LRRTM4: variants seen among roughly 807,000 people sequenced by gnomAD.
LRRTM4 encodes leucine-rich repeat transmembrane neuronal protein 4.
Under a neutral mutation model 47.6 loss-of-function variants are expected in LRRTM4, and 25 were observed. The observed-to-expected ratio is 0.53, with a 90% CI of 0.38 to 0.73. The LOEUF is 0.73. Ranked by LOEUF, LRRTM4 falls within the 30% of genes least tolerant of loss-of-function variation. The probability of loss-of-function intolerance (pLI) is 0.00; values close to 1 mark genes in which losing one functional copy is unlikely to be tolerated. For synonymous variants in LRRTM4, 311 were observed against 269.5 expected, an observed-to-expected ratio of 1.15 and a Z score of -1.51; for missense variants, 638 against 713.4, an observed-to-expected ratio of 0.89 and a Z score of 1.20.
chr2:77,373,583 G>A (rs565463027), intron 3 of LRRTM4, among the ~76,000 whole-genome samples: 19 of 151,566 alleles, frequency 1.3e-4, no homozygotes, highest in South Asian at 4.2e-4. Context: ...CCCTACACCC[G>A]GCATCCCCTA....
intron 3 of LRRTM4, among the ~76,000 whole-genome samples, chr2:77,224,571 C>G (rs931098854): frequency 1.3e-5 from 2 of 152,128 alleles, no homozygotes; most frequent in South Asian, 4.1e-4. Flanking sequence ...AGACATTTCT[C>G]AAAAGAAGAC....
At chr2:77,241,639 T>G (rs900412818) in intron 3 of LRRTM4, among the ~76,000 whole-genome samples, 3 of 152,094 alleles carry the variant, frequency 2.0e-5, no homozygotes, top group Non-Finnish European at 4.4e-5. Flanking sequence ...GAAAAAAACC[T>G]TTTATCTTTG....
intron 3 of LRRTM4, among the ~76,000 whole-genome samples, chr2:76,751,866 C>T (rs573105873): frequency 6.6e-6 from 1 of 152,232 alleles, no homozygotes; most frequent in East Asian, 1.9e-4. Flanking sequence ...TAATACAGCC[C>T]ATTCGTACTC....
At chr2:76,883,343 A>AT (rs1400625737) in intron 3 of LRRTM4, among the ~76,000 whole-genome samples, 1 of 152,150 alleles carries the variant, frequency 6.6e-6, no homozygotes, top group African/African-American at 2.4e-5. Flanking sequence ...TGCTTAACAC[A>AT]TAGTAAATGC....
At chr2:77,089,714 C>A (rs1265813961) in intron 3 of LRRTM4, among the ~76,000 whole-genome samples, 1 of 151,746 alleles carries the variant, frequency 6.6e-6, no homozygotes, top group Non-Finnish European at 1.5e-5. Context: ...CAACTCACAC[C>A]TGACCTAAAA....
chr2:77,468,802 A>G (rs1343058961), intron 3 of LRRTM4, among the ~76,000 whole-genome samples: 2 of 152,184 alleles, frequency 1.3e-5, no homozygotes, highest in African/African-American at 2.4e-5. Flanking sequence ...ACCCCTACAC[A>G]GGCCATATCC....
At chr2:77,224,975 C>A (rs1450781353) in intron 3 of LRRTM4, among the ~76,000 whole-genome samples, 2 of 151,924 alleles carry the variant, frequency 1.3e-5, no homozygotes. Context: ...AAATGTCCAA[C>A]AATGATAGAC....
Position 77,258,625 on chromosome 2 carries a change from A to C in LRRTM4, c.1551+259693T>G, listed in dbSNP as rs184192157. Among the ~76,000 whole-genome samples the C allele has an allele frequency of 4.4e-3, 666 of 152,206 alleles. 4 individuals carry two copies. The highest frequency in any genetic ancestry group is 0.031 in the South Asian group (152 of 4,830). ...AAAAAACAAAATAATTCAATAAAAC[A>C]AACATGGCACTGAGATAGTAAACTC... On this transcript the variant is annotated intron_variant, in intron 3 of 3. Coordinates refer to ENST00000409884, the MANE Select transcript of LRRTM4 (RefSeq NM_001134745.3).
intron 3 of LRRTM4, among the ~76,000 whole-genome samples, chr2:77,020,819 G>C (rs1232650242): frequency 6.6e-6 from 1 of 152,190 alleles, no homozygotes; most frequent in African/African-American, 2.4e-5. Flanking sequence ...AGAATTCCAT[G>C]TCCAAGGAAC....
At chr2:77,221,906 C>A (rs1314657397) in intron 3 of LRRTM4, among the ~76,000 whole-genome samples, 2 of 152,168 alleles carry the variant, frequency 1.3e-5, no homozygotes, top group Non-Finnish European at 2.9e-5. Flanking sequence ...AATATACATT[C>A]TTTTCAGCAC....
intron 3 of LRRTM4, among the ~76,000 whole-genome samples, chr2:77,504,241 A>G (rs1678682582): frequency 1.3e-5 from 2 of 151,632 alleles, no homozygotes; most frequent in South Asian, 4.1e-4. Context: ...TGGGACACAG[A>G]TGTACTCATC....
chr2:77,019,254 A>C (rs111448876), intron 3 of LRRTM4, among the ~76,000 whole-genome samples: 16,178 of 61,780 alleles, frequency 0.26, 1,086 homozygotes, highest in Admixed American at 0.34. Flanking sequence ...ACTGCTCTAC[A>C]AAAAAAAAAA....
At chr2:76,969,725 G>A (rs1184707307) in intron 3 of LRRTM4, among the ~76,000 whole-genome samples, 12 of 151,906 alleles carry the variant, frequency 7.9e-5, no homozygotes. Flanking sequence ...TAATATTTGA[G>A]TACTTGCTTA....
chr2:77,324,933 T>C (rs989075866), intron 3 of LRRTM4, among the ~76,000 whole-genome samples: 9 of 152,126 alleles, frequency 5.9e-5, no homozygotes, highest in Non-Finnish European at 7.4e-5. Context: ...GGTAGCTGAA[T>C]CAACAATTAT....
intron 3 of LRRTM4, among the ~76,000 whole-genome samples, chr2:77,176,755 C>G (rs1040039340): frequency 1.3e-5 from 2 of 152,218 alleles, no homozygotes; most frequent in South Asian, 4.1e-4. Context: ...TTTAGGCATT[C>G]TGTTGCTCCT....
intron 3 of LRRTM4, among the ~76,000 whole-genome samples, chr2:76,851,292 T>A (rs1671986573): frequency 6.6e-6 from 1 of 152,116 alleles, no homozygotes; most frequent in Admixed American, 6.6e-5. Context: ...TTCTTCCAAG[T>A]GCAATAAAAA....
chr2:76,874,111 CTTTT>C (rs887538482), intron 3 of LRRTM4, among the ~76,000 whole-genome samples: 1 of 145,724 alleles, frequency 6.9e-6, no homozygotes, highest in Admixed American at 6.9e-5. Flanking sequence ...GTAATGTCTG[CTTTT>C]TTTTTTTCTC....
chr2:76,898,597 G>A (rs1673505992), intron 3 of LRRTM4, among the ~76,000 whole-genome samples: 1 of 149,862 alleles, frequency 6.7e-6, no homozygotes, highest in African/African-American at 2.4e-5. Flanking sequence ...AGTAATGGGT[G>A]GTAATGCAAA....
chr2:77,246,143 A>G (rs1675440251), intron 3 of LRRTM4, among the ~76,000 whole-genome samples: 1 of 152,178 alleles, frequency 6.6e-6, no homozygotes, highest in Non-Finnish European at 1.5e-5. Context: ...AACATTTGCA[A>G]GTGACAAAAC....
Sources: gnomAD v4.1 joint callset for allele counts (sites outside exome capture counted in the v4.1 genomes callset) on GRCh38, gnomAD v4.1.1 for gene constraint, MANE v1.5 for transcripts, NCBI Gene and HGNC (gene_info 2026-07-23, HGNC 2026-07-21) for gene names.